Variants in NSUN4 observed in about 807,000 individuals in gnomAD.
NSUN4 encodes 5-cytosine rRNA methyltransferase NSUN4.
Under a neutral mutation model 43.8 loss-of-function variants are expected in NSUN4, and 31 were observed. The ratio of observed to expected loss-of-function variants is 0.71; its 90% confidence interval spans 0.53 to 0.96. The LOEUF is 0.96. NSUN4 is among the 40% of genes least tolerant of loss of function. The probability of loss-of-function intolerance (pLI) is 0.00; values close to 1 mark genes in which losing one functional copy is unlikely to be tolerated. For missense variants in NSUN4, 439 were observed against 475.6 expected, an observed-to-expected ratio of 0.92 and a Z score of 0.72; for synonymous variants, 167 against 184.1, an observed-to-expected ratio of 0.91 and a Z score of 0.75.
Position 46,361,813 on chromosome 1 carries a change from C to A in NSUN4, c.1122C>A (p.Pro374=). ...CAAACCTCATGGCCAATTTTGGCCC[C>A]ATGTACTTCTGCAAAATGCGTAGGC... ...VIPNLMANFG[P]MYFCKMRRLT The change falls in exon 6 of 6, where the codon CCC becomes CCA. Residue 374 remains proline, a synonymous_variant. Coordinates refer to ENST00000474844, the MANE Select transcript of NSUN4 (RefSeq NM_199044.4). The A allele has an allele frequency of 6.2e-7, 1 of 1,613,962 alleles. No homozygotes were observed. The highest frequency in any genetic ancestry group is 8.5e-7 in the Non-Finnish European group (1 of 1,179,916).
chr1:46,352,901 G>A lies in NSUN4; in HGVS notation c.626G>A (p.Arg209Gln), dbSNP rs377491016. The change falls in exon 4 of 6, where the codon CGA (arginine) becomes CAA (glutamine). Residue 209 changes from arginine to glutamine, a missense_variant. By Grantham distance (43) the Arg-to-Gln change is conservative. Transcript: ENST00000474844. The stretch of plus-strand genomic sequence containing the variant: ...GCTGCCAATGATCTCTCCCCGTCCC[G>A]AATAGCCAGACTACAGAAGATCCTT... The part of the protein sequence containing the change: ...NLAANDLSPS[R>Q]IARLQKILHS... The A allele has an allele frequency of 6.2e-7, 1 of 1,614,104 alleles. No individual in the cohort carries two copies. The highest frequency in any genetic ancestry group is 8.5e-7 in the Non-Finnish European group (1 of 1,179,998).
chr1:46,380,453 C>CTTT, the NSUN4 span, among the ~76,000 whole-genome samples: 5 of 152,202 alleles, frequency 3.3e-5, no homozygotes. Context: ...CATCCACCTG[C>CTTT]TCTTCTAGTC....
chr1:46,353,327 G>C (rs957010176), intron 4 of NSUN4, among the ~76,000 whole-genome samples: 1 of 152,126 alleles, frequency 6.6e-6, no homozygotes, highest in Non-Finnish European at 1.5e-5. Flanking sequence ...CCTCATGAAG[G>C]TAAGTAAGAA....
chr1:46,342,094 G>A (rs1662156875), intron 1 of NSUN4: 10 of 532,124 alleles, frequency 1.9e-5, no homozygotes, highest in Middle Eastern at 5.4e-4. Flanking sequence ...CCTCTTGCTC[G>A]CCGGCCGGTG....
downstream of NSUN4, among the ~76,000 whole-genome samples, chr1:46,367,806 C>T (rs977109956): frequency 6.7e-6 from 1 of 148,494 alleles, no homozygotes; most frequent in Non-Finnish European, 1.5e-5. Context: ...CTGGCTCTCA[C>T]CAGGGTGGAG....
At chr1:46,378,085 G>A in the NSUN4 span, among the ~76,000 whole-genome samples, 1 of 152,124 alleles carries the variant, frequency 6.6e-6, no homozygotes, top group African/African-American at 2.4e-5. Context: ...TTTAAATAGA[G>A]ACAGGGTCTC....
At position 46,361,812 on chromosome 1, in the gene NSUN4, C is replaced by T; in HGVS notation, c.1121C>T (p.Pro374Leu). The change falls in exon 6 of 6, where the codon CCC becomes CTC. Residue 374 changes from proline to leucine, a missense_variant. By Grantham distance (98) the Pro-to-Leu change is moderately conservative. Transcript: ENST00000474844. ...CCAAACCTCATGGCCAATTTTGGCC[C>T]CATGTACTTCTGCAAAATGCGTAGG... is the stretch of plus-strand genomic sequence containing the variant. Reference protein sequence around the residue: ...VIPNLMANFGPMYFCKMRRLT With the variant: ...VIPNLMANFGLMYFCKMRRLT 1 of 1,614,146 alleles carries T rather than the reference C, an allele frequency of 6.2e-7. No individual in the cohort carries two copies. Among genetic ancestry groups the T allele is most frequent in the Non-Finnish European group, 8.5e-7 (1 of 1,180,008 alleles).
At chr1:46,351,140 C>T (rs1662947647) in intron 3 of NSUN4, among the ~76,000 whole-genome samples, 2 of 151,012 alleles carry the variant, frequency 1.3e-5, no homozygotes, top group African/African-American at 2.4e-5. Flanking sequence ...CCGACGCAGG[C>T]AGATCACCTG....
chr1:46,373,806 GT>G, the NSUN4 span, among the ~76,000 whole-genome samples: 1 of 152,070 alleles, frequency 6.6e-6, no homozygotes, highest in African/African-American at 2.4e-5. Context: ...TGGGGATAAA[GT>G]TTCAACATGA....
Position 46,346,905 on chromosome 1 carries a change from G to T in NSUN4, c.438-16G>T, listed in dbSNP as rs1262046763. On this transcript the variant is annotated splice_polypyrimidine_tract_variant and intron_variant, in intron 2 of 5. Transcript: ENST00000474844. ...TGACCTGGAATTTAACAATAAAGTG[G>T]TCTCCTCTTTTCCAGACCTGGCAGC... 1 of 1,608,870 alleles carries T rather than the reference G, an allele frequency of 6.2e-7. No individual in the cohort carries two copies. Among genetic ancestry groups the T allele is most frequent in the Non-Finnish European group, 8.5e-7 (1 of 1,177,256 alleles).
Position 46,347,009 on chromosome 1 carries a change from A to G in NSUN4, c.526A>G (p.Ile176Val), listed in dbSNP as rs1468940154. The G allele has an allele frequency of 1.2e-6, 2 of 1,614,206 alleles. No homozygotes were observed. Among genetic ancestry groups the G allele is most frequent in the Non-Finnish European group, 1.7e-6 (2 of 1,180,032 alleles). Residue 176 changes from isoleucine to valine, a missense_variant, in exon 3 of 6, where the codon ATC becomes GTC. Transcript: ENST00000474844. ...VLALGLQPGD[I>V]VLDLCAAPGG... Reference sequence around the variant, plus strand: ...GGCCCTCGGCCTGCAGCCTGGGGACATCGTGCTTGACCTATGTGCAGCTCC... The same window carrying G: ...GGCCCTCGGCCTGCAGCCTGGGGACGTCGTGCTTGACCTATGTGCAGCTCC...
At chr1:46,381,848 C>A in the NSUN4 span, among the ~76,000 whole-genome samples, 1 of 152,142 alleles carries the variant, frequency 6.6e-6, no homozygotes, top group Non-Finnish European at 1.5e-5. Flanking sequence ...GTCATCAGCA[C>A]CTGTCAGCTC....
At chr1:46,355,432 G>A (rs924742440) in intron 4 of NSUN4, among the ~76,000 whole-genome samples, 1 of 152,132 alleles carries the variant, frequency 6.6e-6, no homozygotes, top group Non-Finnish European at 1.5e-5. Context: ...AGAAGTTTCG[G>A]TGAGTTACTT....
chr1:46,345,392 A>C, intron 2 of NSUN4: 1 of 457,592 alleles, frequency 2.2e-6, no homozygotes, highest in Admixed American at 3.9e-5. Context: ...AGAGAAGTTA[A>C]GATTCTTACT....
chr1:46,377,330 G>A, the NSUN4 span, among the ~76,000 whole-genome samples: 823 of 152,284 alleles, frequency 5.4e-3, 10 homozygotes, highest in African/African-American at 0.019. Flanking sequence ...GATTACAGGC[G>A]TGAGCCACCA....
chr1:46,363,863 T>A lies in NSUN4; in HGVS notation c.*2017T>A, dbSNP rs1664025234. The A allele has an allele frequency of 6.6e-6, 1 of 152,298 alleles. No individual in the cohort carries two copies. The highest frequency in any genetic ancestry group is 1.5e-5 in the Non-Finnish European group (1 of 68,024). The allele number at this position is 152,298 out of a possible 1,614,324, so 9.4% of individuals were successfully genotyped here. ...AAAAGTTTAATCCCAGAAGAGTAAATGTAGCATGATGCCCTTTCTAAATGA... is the reference window on the plus strand; with the variant it reads ...AAAAGTTTAATCCCAGAAGAGTAAAAGTAGCATGATGCCCTTTCTAAATGA... On this transcript the variant is annotated 3_prime_UTR_variant, in exon 6 of 6. Coordinates refer to ENST00000474844, the MANE Select transcript of NSUN4 (RefSeq NM_199044.4).
At chr1:46,344,434 C>A in intron 1 of NSUN4, 1 of 227,174 alleles carries the variant, frequency 4.4e-6, no homozygotes, top group Non-Finnish European at 8.5e-6. Flanking sequence ...AAGAAAAGGG[C>A]CTTTTGCTTT....
Position 46,352,308 on chromosome 1 carries a change from C to T in NSUN4, c.593-560C>T, listed in dbSNP as rs530643450. On this transcript the variant is annotated intron_variant, in intron 3 of 5. Transcript: ENST00000474844. ...CTCTACTAAAAATGCAAAAATTAGC[C>T]GGGTATAGTGGTGCACACCCATAGT... Among the ~76,000 whole-genome samples, 22 of 152,056 alleles carry T rather than the reference C, an allele frequency of 1.4e-4. No individual in the cohort carries two copies. In the East Asian group the frequency reaches 3.1e-3, roughly 21 times the overall value.
At chr1:46,359,127 T>TTGTG (rs1160923290) in intron 4 of NSUN4, among the ~76,000 whole-genome samples, 1 of 151,900 alleles carries the variant, frequency 6.6e-6, no homozygotes, top group East Asian at 2.0e-4. Flanking sequence ...GAGCGTGGTA[T>TTGTG]TGTGCGCCTG....
Sources: allele counts gnomAD v4.1 joint callset (sites outside exome capture counted in the v4.1 genomes callset), GRCh38; gene constraint gnomAD v4.1.1; transcripts MANE v1.5; gene names NCBI Gene and HGNC (gene_info 2026-07-23, HGNC 2026-07-21).